DGKB: variants seen among roughly 807,000 people sequenced by gnomAD.
DGKB encodes 90 kDa diacylglycerol kinase.
DGKB carries 67 observed loss-of-function variants against 114.3 expected under a neutral mutation model. The ratio of observed to expected loss-of-function variants is 0.59; its 90% CI spans 0.48 to 0.72. The LOEUF is 0.72. Among genes scored for constraint, DGKB ranks in the 30% least tolerant of loss-of-function variants. DGKB has a pLI of 0.00. For missense variants in DGKB, 907 were observed against 975.2 expected (o/e 0.93, Z 0.93); for synonymous variants, 398 against 323.1 (o/e 1.23, Z -2.49).
intron 23 of DGKB, among the ~76,000 whole-genome samples, chr7:14,296,055 A>G (rs1434180647): frequency 1.6e-5 from 2 of 125,258 alleles, no homozygotes; most frequent in South Asian, 2.6e-4. Flanking sequence ...TTTTTTTTTC[A>G]GACAAGAATC....
chr7:14,787,230 G>A lies in DGKB; in HGVS notation c.71-29499C>T, dbSNP rs1476292148. ...CACAATTTTATAGCGGAGTGTGGGG[G>A]CAGAAGATGTACCATTTTAATTTTT... is the stretch of plus-strand genomic sequence containing the variant. On this transcript the variant is annotated intron_variant, in intron 2 of 25. Coordinates refer to ENST00000402815, the MANE Select transcript of DGKB (RefSeq NM_001350709.2). 2.6e-5 allele frequency among the ~76,000 whole-genome samples: 4 copies of A among 152,092 alleles called. No homozygotes were observed. In the South Asian group the frequency reaches 8.3e-4, roughly 31 times the overall value.
chr7:14,210,276 G>A (rs911164384), intron 23 of DGKB, among the ~76,000 whole-genome samples: 5 of 151,998 alleles, frequency 3.3e-5, no homozygotes, highest in African/African-American at 9.7e-5. Flanking sequence ...CTCCGTTACT[G>A]GGGGCAAATG....
intron 21 of DGKB, among the ~76,000 whole-genome samples, chr7:14,473,220 C>T (rs1781677882): frequency 6.6e-6 from 1 of 152,156 alleles, no homozygotes; most frequent in South Asian, 2.1e-4. Context: ...CTGCGTGAAG[C>T]CAAGGGACTT....
chr7:14,378,664 T>C (rs1157678238), intron 21 of DGKB, among the ~76,000 whole-genome samples: 1 of 152,066 alleles, frequency 6.6e-6, no homozygotes, highest in Non-Finnish European at 1.5e-5. Flanking sequence ...GAGACTGACA[T>C]CAAATGCCTC....
intron 25 of DGKB, among the ~76,000 whole-genome samples, chr7:14,170,625 A>G (rs544477038): frequency 2.0e-5 from 3 of 152,286 alleles, no homozygotes; most frequent in Non-Finnish European, 4.4e-5. Flanking sequence ...ATGGCCTGAG[A>G]TTATTGTGTA....
At chr7:14,487,758 A>G (rs1784042705) in intron 20 of DGKB, among the ~76,000 whole-genome samples, 1 of 150,552 alleles carries the variant, frequency 6.6e-6, no homozygotes, top group Non-Finnish European at 1.5e-5. Flanking sequence ...ATTAGCTATC[A>G]TGCCTGACTA....
At chr7:14,227,364 G>A (rs1237367755) in intron 23 of DGKB, among the ~76,000 whole-genome samples, 1 of 152,032 alleles carries the variant, frequency 6.6e-6, no homozygotes, top group East Asian at 1.9e-4. Context: ...AGTGGCTAAT[G>A]TTTGAATTGC....
At chr7:14,686,445 T>C (rs1340784186) in intron 9 of DGKB, among the ~76,000 whole-genome samples, 8 of 152,204 alleles carry the variant, frequency 5.3e-5, no homozygotes, top group African/African-American at 1.7e-4. Context: ...TGGTATTCTA[T>C]TGAAAACATT....
chr7:14,238,417 A>C (rs906586626), intron 23 of DGKB, among the ~76,000 whole-genome samples: 4 of 151,944 alleles, frequency 2.6e-5, no homozygotes, highest in African/African-American at 9.7e-5. Flanking sequence ...TGGTGAGTTA[A>C]TTAACTTTCT....
intron 13 of DGKB, among the ~76,000 whole-genome samples, chr7:14,646,004 T>C (rs536404843): frequency 1.3e-5 from 2 of 152,116 alleles, no homozygotes; most frequent in Non-Finnish European, 2.9e-5. Context: ...CAAATACCAA[T>C]GGGTAGTTAG....
intron 16 of DGKB, among the ~76,000 whole-genome samples, chr7:14,609,312 A>G (rs868357288): frequency 2.0e-5 from 3 of 152,092 alleles, no homozygotes; most frequent in Non-Finnish European, 1.5e-5. Flanking sequence ...TATTCAATAC[A>G]TGTTACTGGA....
chr7:14,373,833 C>T (rs1583480147), intron 21 of DGKB, among the ~76,000 whole-genome samples: 1 of 151,910 alleles, frequency 6.6e-6, no homozygotes, highest in East Asian at 1.9e-4. Flanking sequence ...CTGATGGGCC[C>T]GTGCTTTCAT....
intron 23 of DGKB, among the ~76,000 whole-genome samples, chr7:14,212,090 T>TA (rs762974376): frequency 0.059 from 93 of 1,588 alleles, 16 homozygotes; most frequent in African/African-American, 0.11. Flanking sequence ...TGTTTTGTGA[T>TA]TTTACTCTCA....
chr7:14,594,441 G>A (rs953503103), intron 17 of DGKB, among the ~76,000 whole-genome samples: 1 of 151,982 alleles, frequency 6.6e-6, no homozygotes, highest in African/African-American at 2.4e-5. Context: ...GTAGTAAGTT[G>A]AAAATGAAGG....
intron 2 of DGKB, among the ~76,000 whole-genome samples, chr7:14,803,252 A>AT (rs1315338276): frequency 1.3e-5 from 2 of 152,172 alleles, no homozygotes; most frequent in African/African-American, 4.8e-5. Flanking sequence ...TGAGCAAACA[A>AT]TTAAAGGAGA....
intron 5 of DGKB, among the ~76,000 whole-genome samples, chr7:14,733,753 G>A (rs201450902): frequency 9.9e-5 from 1 of 10,112 alleles, no homozygotes; most frequent in South Asian, 3.6e-3. Flanking sequence ...AAATAAAGAA[G>A]AAAGAAAGAA....
intron 2 of DGKB, among the ~76,000 whole-genome samples, chr7:14,795,827 T>G (rs1312647534): frequency 6.6e-6 from 1 of 152,192 alleles, no homozygotes; most frequent in African/African-American, 2.4e-5. Flanking sequence ...GTCAAATTGT[T>G]ACTTAATCTG....
chr7:14,444,994 T>TG (rs1830543404), intron 21 of DGKB, among the ~76,000 whole-genome samples: 1 of 151,904 alleles, frequency 6.6e-6, no homozygotes, highest in Non-Finnish European at 1.5e-5. Context: ...AAAGTGCCAT[T>TG]TTTTCAGTTG....
At chr7:14,423,401 T>C (rs12540165) in intron 21 of DGKB, among the ~76,000 whole-genome samples, 36,629 of 151,864 alleles carry the variant, frequency 0.24, 5,264 homozygotes, top group East Asian at 0.49. Context: ...ATTAGTAAAA[T>C]TGTCTGACGT....
Sources: gnomAD v4.1 joint callset for allele counts (sites outside exome capture counted in the v4.1 genomes callset) on GRCh38, gnomAD v4.1.1 for gene constraint, MANE v1.5 for transcripts, NCBI Gene and HGNC (gene_info 2026-07-23, HGNC 2026-07-21) for gene names.